Variants in PRRG1 observed in about 807,000 individuals in gnomAD.
PRRG1 encodes proline rich and Gla domain 1, also known as transmembrane gamma-carboxyglutamic acid protein 1.
A neutral mutation model predicts 11.8 loss-of-function variants in PRRG1; 5 were observed. The observed-to-expected ratio is 0.42, with a 90% CI of 0.22 to 0.89. PRRG1 has a LOEUF of 0.89. PRRG1 is among the 40% of genes least tolerant of loss of function. The pLI is 0.28. For synonymous variants in PRRG1, 66 were observed against 60.4 expected (o/e 1.09, Z -0.43); for missense variants, 155 against 166.1 (o/e 0.93, Z 0.37).
chrX:37,365,437 G>C (rs782810085), intron 1 of PRRG1, among the ~76,000 whole-genome samples: 1 of 111,817 alleles, frequency 8.9e-6, no homozygotes, highest in Non-Finnish European at 1.9e-5. Flanking sequence ...ACAGTTTGCT[G>C]TTTGATCATA....
At chrX:37,446,070 A>G (rs1602040519) in intron 3 of PRRG1, among the ~76,000 whole-genome samples, 1 of 112,705 alleles carries the variant, frequency 8.9e-6, no homozygotes, top group East Asian at 2.8e-4. Flanking sequence ...TTGTACCTCC[A>G]ATATGGTCAT....
intron 2 of PRRG1, among the ~76,000 whole-genome samples, chrX:37,415,203 G>A (rs1331998008): frequency 8.9e-6 from 1 of 111,853 alleles, no homozygotes; most frequent in Non-Finnish European, 1.9e-5. Flanking sequence ...GAGGCCAGGA[G>A]TTCGAGACCA....
chrX:37,368,092 G>A (rs1359153624), intron 1 of PRRG1, among the ~76,000 whole-genome samples: 1 of 111,818 alleles, frequency 8.9e-6, no homozygotes, highest in African/African-American at 3.3e-5. Flanking sequence ...CTTGTTTCAT[G>A]GCCTAGAATA....
At chrX:37,393,240 A>AT (rs1385223188) in intron 1 of PRRG1, among the ~76,000 whole-genome samples, 4 of 109,765 alleles carry the variant, frequency 3.6e-5, no homozygotes, top group African/African-American at 1.3e-4. Flanking sequence ...AGACACATTC[A>AT]TTTTTTAAAG....
At chrX:37,449,828 C>T (rs1921052714) in intron 3 of PRRG1, among the ~76,000 whole-genome samples, 1 of 112,604 alleles carries the variant, frequency 8.9e-6, no homozygotes, top group African/African-American at 3.2e-5. Context: ...AAGCACTGCT[C>T]TACCAAGTTT....
chrX:37,437,936 A>T (rs782346056), intron 3 of PRRG1, among the ~76,000 whole-genome samples: 1 of 107,181 alleles, frequency 9.3e-6, no homozygotes, highest in Non-Finnish European at 1.9e-5. Context: ...AGAAAATACC[A>T]TTTTTTTTTT....
chrX:37,352,707 A>G (rs1930107767), intron 1 of PRRG1, among the ~76,000 whole-genome samples: 1 of 112,049 alleles, frequency 8.9e-6, no homozygotes, highest in Admixed American at 9.4e-5. Context: ...ATTGGAGGCA[A>G]GACAAGAAGT....
chrX:37,390,405 G>A (rs5918491), intron 1 of PRRG1, among the ~76,000 whole-genome samples: 12,838 of 111,077 alleles, frequency 0.12, 584 homozygotes, highest in South Asian at 0.17. Context: ...GTGTGTGTGC[G>A]TATAATATAC....
chrX:37,395,924 T>C (rs943605110), intron 1 of PRRG1, among the ~76,000 whole-genome samples: 2 of 111,629 alleles, frequency 1.8e-5, no homozygotes, highest in East Asian at 5.6e-4. Flanking sequence ...TATACAGTGG[T>C]ATTTTGTTTG....
intron 1 of PRRG1, among the ~76,000 whole-genome samples, chrX:37,383,878 G>C (rs1556374376): frequency 9.1e-6 from 1 of 110,430 alleles, no homozygotes. Context: ...ACTTATACAT[G>C]GTGTCCATTA....
intron 3 of PRRG1, chrX:37,440,865 G>A (rs781965981): frequency 2.0e-6 from 1 of 510,069 alleles, no homozygotes; most frequent in Non-Finnish European, 3.5e-6. Flanking sequence ...CTGTGCCCAA[G>A]TGATCCTCCC....
At chrX:37,402,373 CA>C (rs1198939054) in intron 1 of PRRG1, among the ~76,000 whole-genome samples, 3 of 111,626 alleles carry the variant, frequency 2.7e-5, no homozygotes, top group Non-Finnish European at 5.6e-5. Flanking sequence ...CTGACAAAAA[CA>C]AGCAATGGGG....
At chrX:37,386,775 A>T (rs1231721020) in intron 1 of PRRG1, 1 of 112,134 alleles carries the variant, frequency 8.9e-6, no homozygotes, top group African/African-American at 3.2e-5. Context: ...CTTACCTGTA[A>T]AGTGGGGATA....
chrX:37,405,049 C>T (rs1932145692), intron 1 of PRRG1, among the ~76,000 whole-genome samples: 3 of 111,707 alleles, frequency 2.7e-5, no homozygotes, highest in African/African-American at 9.8e-5. Context: ...ATTTTAAAGG[C>T]TCTGAAAAGT....
chrX:37,421,851 C>T (rs1166744179), intron 2 of PRRG1, among the ~76,000 whole-genome samples: 2 of 112,103 alleles, frequency 1.8e-5, no homozygotes, highest in African/African-American at 6.5e-5. Flanking sequence ...GCAGACATAA[C>T]TAATCTATAA....
At chrX:37,424,812 TA>T (rs1269280315) in intron 2 of PRRG1, among the ~76,000 whole-genome samples, 1 of 111,646 alleles carries the variant, frequency 9.0e-6, no homozygotes, top group African/African-American at 3.2e-5. Flanking sequence ...AGCAAAACTT[TA>T]ATCCATTGCT....
chrX:37,407,165 CTGTT>C (rs2146583531), intron 2 of PRRG1, among the ~76,000 whole-genome samples: 1 of 111,656 alleles, frequency 9.0e-6, no homozygotes, highest in South Asian at 3.8e-4. Context: ...CATGGGGTCT[CTGTT>C]TGGGGCACCA....
intron 3 of PRRG1, among the ~76,000 whole-genome samples, chrX:37,444,702 T>C (rs1181359010): frequency 9.0e-6 from 1 of 111,444 alleles, no homozygotes; most frequent in East Asian, 2.8e-4. Flanking sequence ...ACTGTATTTC[T>C]ACCCATCATG....
At chrX:37,391,584 G>A (rs1556376678) in intron 1 of PRRG1, among the ~76,000 whole-genome samples, 1 of 111,897 alleles carries the variant, frequency 8.9e-6, no homozygotes, top group African/African-American at 3.2e-5. Flanking sequence ...AGATATCCAG[G>A]TGTAGATTTC....
Sources: allele counts gnomAD v4.1 joint callset (sites outside exome capture counted in the v4.1 genomes callset), GRCh38; gene constraint gnomAD v4.1.1; transcripts MANE v1.5; gene names NCBI Gene and HGNC (gene_info 2026-07-23, HGNC 2026-07-21).